The following SENP8 variants were observed in gnomAD, a reference collection of about 807,000 sequenced individuals.
SENP8 encodes sentrin-specific protease 8.
In SENP8, 10 loss-of-function variants were observed where a neutral mutation model predicts 14.4. The observed-to-expected ratio is 0.69, with a 90% CI of 0.43 to 1.18. SENP8 has a LOEUF of 1.18. Ranked by LOEUF, SENP8 falls within the 50% of genes most tolerant of loss-of-function variation. The probability of loss-of-function intolerance (pLI) is 0.00; values close to 1 mark genes in which losing one functional copy is unlikely to be tolerated. For synonymous variants in SENP8, 94 were observed against 95.5 expected (o/e 0.98, Z 0.09); for missense variants, 202 against 249.4 (o/e 0.81, Z 1.28).
At chr15:72,125,055 AGATT>A (rs2140499650) in intron 1 of SENP8, among the ~76,000 whole-genome samples, 1 of 152,272 alleles carries the variant, frequency 6.6e-6, no homozygotes, top group South Asian at 2.1e-4. Flanking sequence ...TTTGAACTCC[AGATT>A]GTTTCCAGTT....
chr15:72,133,086 G>C lies in SENP8; in HGVS notation c.-47-6491G>C, dbSNP rs577443050. On this transcript the variant is annotated intron_variant, in intron 1 of 1. Coordinates refer to ENST00000340912, the MANE Select transcript of SENP8 (RefSeq NM_145204.4). ...CGCGGGAGGCTGAGACGGGAGAATC[G>C]CTTGAACCCGGGAGGCAGAGGTTGC... Among the ~76,000 whole-genome samples the C allele has an allele frequency of 2.0e-5, 3 of 152,266 alleles. No homozygotes were observed. In the East Asian group the frequency reaches 5.8e-4, roughly 29 times the overall value.
chr15:72,132,074 G>A (rs1259110630), intron 1 of SENP8, among the ~76,000 whole-genome samples: 1 of 152,144 alleles, frequency 6.6e-6, no homozygotes, highest in Admixed American at 6.5e-5. Flanking sequence ...GGCCCAGAAA[G>A]AGGAAGAATA....
intron 1 of SENP8, among the ~76,000 whole-genome samples, chr15:72,127,104 G>T (rs1052125498): frequency 6.6e-6 from 1 of 152,144 alleles, no homozygotes; most frequent in Non-Finnish European, 1.5e-5. Context: ...TATTTATTGA[G>T]TACCTGCCTG....
intron 1 of SENP8, among the ~76,000 whole-genome samples, chr15:72,137,384 C>T (rs2140523305): frequency 6.6e-6 from 1 of 152,188 alleles, no homozygotes; most frequent in East Asian, 1.9e-4. Context: ...GGACTAGACC[C>T]AGGTTTCCAG....
intron 1 of SENP8, among the ~76,000 whole-genome samples, chr15:72,132,632 C>G (rs550372816): frequency 6.6e-6 from 1 of 151,232 alleles, no homozygotes; most frequent in Admixed American, 6.6e-5. Flanking sequence ...CCAACTGAAA[C>G]CTTCAGACCA....
At chr15:72,134,453 C>T (rs1459658874) in intron 1 of SENP8, among the ~76,000 whole-genome samples, 1 of 152,152 alleles carries the variant, frequency 6.6e-6, no homozygotes, top group African/African-American at 2.4e-5. Flanking sequence ...GTGGTACGCA[C>T]CTGCAGTCCT....
At chr15:72,137,888 T>C (rs2034880) in intron 1 of SENP8, among the ~76,000 whole-genome samples, 150,006 of 151,936 alleles carry the variant, frequency 0.99, 74,087 homozygotes, top group Middle Eastern at 1. Flanking sequence ...AGGAGAATGG[T>C]GTGAACCCGG....
chr15:72,136,447 A>G (rs1486153681), intron 1 of SENP8, among the ~76,000 whole-genome samples: 1 of 152,050 alleles, frequency 6.6e-6, no homozygotes, highest in East Asian at 1.9e-4. Flanking sequence ...TTTTTTTCTT[A>G]AGAAGATCCT....
At chr15:72,115,392 A>T (rs8027164), upstream of SENP8, among the ~76,000 whole-genome samples, 100,140 of 151,950 alleles carry the variant, frequency 0.66, 33,815 homozygotes, top group Middle Eastern at 0.74. Context: ...TAACCCCTCT[A>T]TCCTTCCTCC....
At chr15:72,135,486 A>C (rs1363241064) in intron 1 of SENP8, 1 of 152,222 alleles carries the variant, frequency 6.6e-6, no homozygotes, top group Non-Finnish European at 1.5e-5. Flanking sequence ...ACAGAAAAGG[A>C]AAGTGAGAGT....
chr15:72,135,015 C>T, intron 1 of SENP8: 1 of 332,846 alleles, frequency 3.0e-6, no homozygotes, highest in Non-Finnish European at 5.9e-6. Flanking sequence ...CCTGGGTTCA[C>T]CCTGAAGCAC....
intron 1 of SENP8, among the ~76,000 whole-genome samples, chr15:72,120,324 A>G (rs527250781): frequency 8.5e-5 from 13 of 152,206 alleles, no homozygotes; most frequent in Non-Finnish European, 1.5e-4. Flanking sequence ...TATGGCTGCT[A>G]TCTATTAACT....
intron 1 of SENP8, among the ~76,000 whole-genome samples, chr15:72,121,732 C>T (rs747902871): frequency 1.3e-5 from 2 of 152,108 alleles, no homozygotes; most frequent in East Asian, 3.9e-4. Context: ...CAAAAAAAAT[C>T]TTGAGGTGAT....
intron 1 of SENP8, among the ~76,000 whole-genome samples, chr15:72,132,406 T>C (rs1183137358): frequency 6.6e-6 from 1 of 152,206 alleles, no homozygotes; most frequent in Non-Finnish European, 1.5e-5. Context: ...CCTTATTTCT[T>C]TTTTTCCCGT....
intron 1 of SENP8, among the ~76,000 whole-genome samples, chr15:72,132,969 G>A (rs977111303): frequency 6.6e-6 from 1 of 152,088 alleles, no homozygotes. Flanking sequence ...TCAGGAATTC[G>A]AGACCAGCCT....
At chr15:72,133,873 T>C (rs1296093484) in intron 1 of SENP8, among the ~76,000 whole-genome samples, 2 of 152,216 alleles carry the variant, frequency 1.3e-5, no homozygotes, top group African/African-American at 4.8e-5. Context: ...ATTACAGTTA[T>C]CAGTCATTGG....
chr15:72,125,905 C>G (rs1596645246), intron 1 of SENP8, among the ~76,000 whole-genome samples: 1 of 151,886 alleles, frequency 6.6e-6, no homozygotes, highest in African/African-American at 2.4e-5. Context: ...CTCACTGCAA[C>G]CTCTGCCTCC....
chr15:72,136,871 T>G (rs1022004812), intron 1 of SENP8, among the ~76,000 whole-genome samples: 2 of 152,328 alleles, frequency 1.3e-5, no homozygotes, highest in South Asian at 2.1e-4. Context: ...GCCAGGTCAC[T>G]GCATAACAGC....
chr15:72,116,099 G>T (rs1250213760), upstream of SENP8, among the ~76,000 whole-genome samples: 1 of 152,116 alleles, frequency 6.6e-6, no homozygotes, highest in African/African-American at 2.4e-5. Context: ...TTTATATATT[G>T]GAAATATCAC....
Sources: gnomAD v4.1 joint callset for allele counts (sites outside exome capture counted in the v4.1 genomes callset) on GRCh38, gnomAD v4.1.1 for gene constraint, MANE v1.5 for transcripts, NCBI Gene and HGNC (gene_info 2026-07-23, HGNC 2026-07-21) for gene names.